The following CFAP74 variants were observed in gnomAD, a reference collection of about 807,000 sequenced individuals.
CFAP74 encodes cilia and flagella associated protein 74.
In CFAP74, 124 loss-of-function variants were observed where a neutral mutation model predicts 188.9. The ratio of observed to expected loss-of-function variants is 0.66; its 90% CI spans 0.57 to 0.76. The LOEUF is 0.76. Among genes scored for constraint, CFAP74 ranks in the 30% least tolerant of loss-of-function variants. The pLI is 0.00. For missense variants in CFAP74, 2,198 were observed against 2,165.2 expected (o/e 1.02, Z -0.30); for synonymous variants, 956 against 916.7 (o/e 1.04, Z -0.77).
rs865814848 is a variant in CFAP74, at chr1:1,926,987, G to A, written c.3569C>T (p.Ala1190Val). ...YQAARATLLR[A>V]FQAKFDTFVV... is the part of the protein sequence containing the mutation. ...AAATGTGTCAAACTTCGCCTGGAAC[G>A]CTCTGAGCAGGGTGGCTCGGGCGGC... Residue 1190 changes from alanine to valine, a missense_variant, in exon 29 of 39, where the codon GCG becomes GTG. Physicochemically the swap from Ala to Val is moderately conservative, Grantham distance 64. Coordinates refer to ENST00000682832, the MANE Select transcript of CFAP74 (RefSeq NM_001304360.2). 1.8e-5 allele frequency: 28 copies of A among 1,550,262 alleles called. No individual in the cohort carries two copies. The highest frequency in any genetic ancestry group is 2.4e-5 in the East Asian group (1 of 40,922).
At chr1:1,997,422 CAAA>C (rs535055121) in intron 1 of CFAP74, among the ~76,000 whole-genome samples, 1 of 67,668 alleles carries the variant, frequency 1.5e-5, no homozygotes, top group Non-Finnish European at 3.0e-5. Flanking sequence ...AACTCCGTCT[CAAA>C]AAAAAAAAAA....
At chr1:1,971,693 C>T (rs1656087995) in intron 9 of CFAP74, among the ~76,000 whole-genome samples, 1 of 152,258 alleles carries the variant, frequency 6.6e-6, no homozygotes, top group Admixed American at 6.5e-5. Flanking sequence ...GCACCCAGGC[C>T]CTCCATGTGT....
At chr1:1,938,342 A>T (rs1010780558) in intron 25 of CFAP74, among the ~76,000 whole-genome samples, 1 of 151,202 alleles carries the variant, frequency 6.6e-6, no homozygotes, top group Non-Finnish European at 1.5e-5. Context: ...ACTCACACAC[A>T]CACGCTCACT....
chr1:1,967,004 T>A (rs1168716545), intron 11 of CFAP74, among the ~76,000 whole-genome samples: 11 of 152,092 alleles, frequency 7.2e-5, no homozygotes, highest in Non-Finnish European at 1.0e-4. Context: ...ACCCAGCTAA[T>A]TTTTTGTATT....
intron 1 of CFAP74, among the ~76,000 whole-genome samples, chr1:1,999,939 G>A (rs1012589507): frequency 7.9e-5 from 12 of 152,284 alleles, no homozygotes; most frequent in African/African-American, 2.9e-4. Context: ...GCTGAGGCGG[G>A]CGGATCATGA....
intron 25 of CFAP74, among the ~76,000 whole-genome samples, chr1:1,936,218 A>C (rs1304505477): frequency 9.7e-6 from 1 of 103,570 alleles, no homozygotes; most frequent in Non-Finnish European, 1.7e-5. Context: ...GCTCCGTCTC[A>C]AAAAAAAAAA....
rs911905125 is a variant in CFAP74, at chr1:1,946,172, T to C, written c.2364+145A>G. ...CACACTCGTGTGCGTGCGTGTGTTG[T>C]AAACTGTGGTGCCAACCATCCGTGC... On this transcript the variant is annotated intron_variant, in intron 20 of 38. Transcript: ENST00000682832. The C allele has an allele frequency of 9.7e-6, 10 of 1,025,958 alleles. No homozygotes were observed. In the Admixed American group the frequency reaches 2.0e-4, roughly 20 times the overall value. 63.6% of individuals were successfully genotyped at this position (1,025,958 alleles called of 1,614,324 possible). A position where few individuals can be genotyped will look rare whatever the true frequency, so the allele number is the denominator to read the frequency against.
chr1:1,955,931 C>A lies in CFAP74; in HGVS notation c.2017-81G>T, dbSNP rs561538566. On this transcript the variant is annotated intron_variant, in intron 17 of 38. Transcript: ENST00000682832. ...TCAGCTGCCGGAACTCCCATGAGGA[C>A]AGGCCGTGTTGGGGGCTGGACCCTG... The A allele has an allele frequency of 1.1e-3, 1,717 of 1,514,040 alleles. 1 individual carries two copies. The highest frequency in any genetic ancestry group is 1.5e-3 in the Non-Finnish European group (1,651 of 1,134,224). The allele number at this position is 1,514,040 out of a possible 1,614,324, so 93.8% of individuals were successfully genotyped here. A position where few individuals can be genotyped will look rare whatever the true frequency, so the allele number is the denominator to read the frequency against.
At chr1:1,991,069 CA>C in intron 1 of CFAP74, 94 bp from the exon 2 acceptor site, 1 of 793,928 alleles carries the variant, frequency 1.3e-6, no homozygotes, top group Non-Finnish European at 2.0e-6. Context: ...ATTAAGAAAA[CA>C]AACGACAGAT....
chr1:2,001,578 A>G (rs570497994), intron 1 of CFAP74, among the ~76,000 whole-genome samples: 3 of 152,130 alleles, frequency 2.0e-5, no homozygotes, highest in East Asian at 1.9e-4. Context: ...CGCCCTCCTC[A>G]GCCTCCCAAA....
chr1:1,937,516 A>G (rs1652981253), intron 25 of CFAP74, among the ~76,000 whole-genome samples: 1 of 152,192 alleles, frequency 6.6e-6, no homozygotes, highest in African/African-American at 2.4e-5. Flanking sequence ...GGCAGAATGG[A>G]ATCTTCTCAA....
rs140413961 is a variant in CFAP74, at chr1:2,003,197, C to T, written c.-20+504G>A. On this transcript the variant is annotated intron_variant, in intron 1 of 38. Transcript: ENST00000682832. ...CCATCGTTATGCAGAGAATATCAGT[C>T]CATTTCTTTTCAACTGTGGGCCCTA... Among the ~76,000 whole-genome samples the T allele has an allele frequency of 4.8e-3, 738 of 152,286 alleles. 6 individuals are homozygous for T. Among genetic ancestry groups the T allele is most frequent in the Middle Eastern group, 0.027 (8 of 294 alleles).
Position 1,942,063 on chromosome 1 carries a change from CTG to C in CFAP74, c.2578_2579del (p.Gln860ValfsTer24), listed in dbSNP as rs1653417126. On this transcript the variant is annotated frameshift_variant, in exon 22 of 39. Coordinates refer to ENST00000682832, the MANE Select transcript of CFAP74 (RefSeq NM_001304360.2). LOFTEE classifies it high-confidence loss of function. The surrounding 1 kb of genome is among the most constrained non-coding windows in gnomAD (Gnocchi z 4.3). ...ACTTGAGCTGCACGGAGTAGGACGA[CTG>C]TGCCTGGATATAGCCTGTCTTGGGC... ...LLPKTGYIQA[Q>X]SSYSVQLKFL... The C allele has an allele frequency of 6.5e-7, 1 of 1,531,268 alleles. No individual in the cohort carries two copies. The highest frequency in any genetic ancestry group is 8.7e-7 in the Non-Finnish European group (1 of 1,145,094). The allele number at this position is 1,531,268 out of a possible 1,614,324, so 94.9% of individuals were successfully genotyped here.
At chr1:1,993,902 A>G (rs555542805) in intron 1 of CFAP74, among the ~76,000 whole-genome samples, 3 of 151,280 alleles carry the variant, frequency 2.0e-5, no homozygotes, top group East Asian at 1.9e-4. Flanking sequence ...GAATGGCGTG[A>G]ACCCGGGAGG....
chr1:1,924,351 ACCCCCGCAGCTCACCACCCACCCCCCAC>A lies in CFAP74; in HGVS notation c.4234+12_4234+39del. On this transcript the variant is annotated intron_variant, in intron 34 of 38. Transcript: ENST00000682832. ...TGCCTACTCCCCCAGCTCACCGCCC[ACCCCCGCAGCTCACCACCCACCCCCCAC>A]CCCCCGCTCACCGACCACCTCCGTC... The A allele has an allele frequency of 9.9e-5, 4 of 40,272 alleles. No individual in the cohort carries two copies. Among genetic ancestry groups the A allele is most frequent in the East Asian group, 2.2e-3 (1 of 446 alleles). The allele number at this position is 40,272 out of a possible 1,614,324, so 2.5% of individuals were successfully genotyped here. A position where few individuals can be genotyped will look rare whatever the true frequency, so the allele number is the denominator to read the frequency against.
At position 1,947,016 on chromosome 1, in the gene CFAP74, C is replaced by T. The variant is rs1183197427; in HGVS notation, c.2215G>A (p.Glu739Lys). ...RLTTVIPPSE[E>K]QTEITLGEVT... ...TCCCCCAGCGTGATCTCCGTCTGCTCTTCGCTGGGAGGTATCACTGTGGTT... is the reference window on the plus strand; with the variant it reads ...TCCCCCAGCGTGATCTCCGTCTGCTTTTCGCTGGGAGGTATCACTGTGGTT... Residue 739 changes from glutamate (E) to lysine (K), a missense_variant, in exon 19 of 39, where the codon GAG becomes AAG. Transcript: ENST00000682832. 5 of 1,536,004 alleles carry T rather than the reference C, an allele frequency of 3.3e-6. No individual in the cohort carries two copies. The East Asian group carries it at 1.2e-4, about 38-fold the overall frequency.
intron 13 of CFAP74, 125 bp downstream of exon 13, chr1:1,964,763 C>T: frequency 2.0e-6 from 2 of 1,018,670 alleles, no homozygotes; most frequent in Non-Finnish European, 2.9e-6. Context: ...GCACTCCAGC[C>T]TGGGCGACAG....
At chr1:1,954,993 G>C in intron 18 of CFAP74, 1 of 1,148,886 alleles carries the variant, frequency 8.7e-7, no homozygotes, top group Non-Finnish European at 1.1e-6. Flanking sequence ...TCTCAGGAAA[G>C]GAAACGCCAC....
chr1:1,924,212 G>C (rs1415869962), intron 34 of CFAP74, among the ~76,000 whole-genome samples, 179 bp downstream of exon 34: 5 of 7,940 alleles, frequency 6.3e-4, no homozygotes, highest in Admixed American at 1.6e-3. Context: ...GCCCGTGCCC[G>C]CCAGCTCACC....
Sources: gnomAD v4.1 joint callset for allele counts (sites outside exome capture counted in the v4.1 genomes callset) on GRCh38, gnomAD v4.1.1 for gene constraint, Gnocchi (gnomAD v3.1) non-coding constraint, MANE v1.5 for transcripts, NCBI Gene and HGNC (gene_info 2026-07-23, HGNC 2026-07-21) for gene names.